The following GTF2F2 variants were observed in gnomAD, a reference collection of about 807,000 sequenced individuals.
GTF2F2 encodes the protein general transcription factor IIF subunit 2.
In GTF2F2, 23 loss-of-function variants were observed where a neutral mutation model predicts 42.2. The observed-to-expected ratio is 0.55, with a 90% CI of 0.39 to 0.77. The LOEUF (loss-of-function observed/expected upper bound fraction) is 0.77, where lower values mean the gene tolerates loss of function less well. Among genes scored for constraint, GTF2F2 ranks in the 30% least tolerant of loss-of-function variants. The pLI is 0.00. For synonymous variants in GTF2F2, 105 were observed against 100.8 expected (o/e 1.04, Z -0.25); for missense variants, 261 against 287.2 (o/e 0.91, Z 0.66).
At chr13:45,156,883 T>A (rs970740333) in intron 4 of GTF2F2, among the ~76,000 whole-genome samples, 3 of 152,246 alleles carry the variant, frequency 2.0e-5, no homozygotes, top group African/African-American at 7.2e-5. Context: ...TTAACATTTG[T>A]GCCTGGTTTT....
chr13:45,195,408 G>T (rs1566131164), intron 4 of GTF2F2, among the ~76,000 whole-genome samples: 1 of 152,112 alleles, frequency 6.6e-6, no homozygotes, highest in Non-Finnish European at 1.5e-5. Context: ...CAAAGACTTG[G>T]ACAATTATAG....
intron 5 of GTF2F2, among the ~76,000 whole-genome samples, chr13:45,218,782 C>G (rs1873989722): frequency 6.6e-6 from 1 of 152,192 alleles, no homozygotes; most frequent in African/African-American, 2.4e-5. Flanking sequence ...TGCTGTTAAT[C>G]AAGTCTTTAG....
At chr13:45,141,927 C>A (rs1245397514) in intron 2 of GTF2F2, among the ~76,000 whole-genome samples, 1 of 152,138 alleles carries the variant, frequency 6.6e-6, no homozygotes, top group African/African-American at 2.4e-5. Context: ...TTGCTAACTT[C>A]AGAACATAGC....
intron 4 of GTF2F2, among the ~76,000 whole-genome samples, chr13:45,201,553 A>G (rs1003780867): frequency 2.6e-5 from 4 of 152,296 alleles, no homozygotes; most frequent in African/African-American, 9.6e-5. Context: ...CTGTTTAGTG[A>G]CAGAATCTTA....
At chr13:45,249,014 A>T (rs1050433448) in intron 5 of GTF2F2, among the ~76,000 whole-genome samples, 3 of 152,194 alleles carry the variant, frequency 2.0e-5, no homozygotes, top group African/African-American at 7.2e-5. Context: ...TACGAACCAC[A>T]TATTTCCAAA....
chr13:45,192,109 G>A (rs964440267), intron 4 of GTF2F2, among the ~76,000 whole-genome samples: 36 of 152,048 alleles, frequency 2.4e-4, no homozygotes, highest in African/African-American at 8.4e-4. Context: ...AATTATAGTG[G>A]CTATTCAAAT....
At chr13:45,222,353 G>T (rs1203279726) in intron 5 of GTF2F2, among the ~76,000 whole-genome samples, 1 of 151,978 alleles carries the variant, frequency 6.6e-6, no homozygotes, top group Non-Finnish European at 1.5e-5. Context: ...GTTTATTTGG[G>T]AATTTAACAA....
rs1877376109 is a variant in GTF2F2, at chr13:45,284,111, G to C, written c.*550G>C. 1 of 152,204 alleles carries C rather than the reference G, an allele frequency of 6.6e-6. No homozygotes were observed. Among genetic ancestry groups the C allele is most frequent in the Non-Finnish European group, 1.5e-5 (1 of 68,036 alleles). 9.4% of individuals were successfully genotyped at this position (152,204 alleles called of 1,614,324 possible). A position where few individuals can be genotyped will look rare whatever the true frequency, so the allele number is the denominator to read the frequency against. On this transcript the variant is annotated 3_prime_UTR_variant, in exon 8 of 8. Coordinates refer to ENST00000340473, the MANE Select transcript of GTF2F2 (RefSeq NM_004128.3). ...GGAGAGAGTTTGTAGTGAAATGGCA[G>C]TGTTCATCATTGGCTTATTTTACCG...
intron 5 of GTF2F2, among the ~76,000 whole-genome samples, chr13:45,248,568 G>A (rs145762347): frequency 6.6e-6 from 1 of 151,992 alleles, no homozygotes; most frequent in Non-Finnish European, 1.5e-5. Flanking sequence ...CTGCCTCCTG[G>A]GTTCAAGCAA....
Position 45,151,823 on chromosome 13 carries a change from G to C in GTF2F2, c.296G>C (p.Ser99Thr). Reference sequence around the variant, plus strand: ...CAGACATTAACAGTATTTACTGAGAGCTCATCAGGTAAGTGGGAATGGAAT... The same window carrying C: ...CAGACATTAACAGTATTTACTGAGACCTCATCAGGTAAGTGGGAATGGAAT... Reference protein sequence around the residue: ...GGQTLTVFTESSSDKLSLEGI... With the variant: ...GGQTLTVFTETSSDKLSLEGI... The change falls in exon 4 of 8, where the codon AGC becomes ACC. Residue 99 changes from serine to threonine, a missense_variant. Transcript: ENST00000340473. 1 of 1,488,876 alleles carries C rather than the reference G, an allele frequency of 6.7e-7. No individual in the cohort carries two copies. Among genetic ancestry groups the C allele is most frequent in the East Asian group, 2.5e-5 (1 of 40,292 alleles). The allele number at this position is 1,488,876 out of a possible 1,614,324, so 92.2% of individuals were successfully genotyped here.
At position 45,182,420 on chromosome 13, in the gene GTF2F2, C is replaced by T. The variant is rs541914304; in HGVS notation, c.305-25004C>T. 2.0e-5 allele frequency among the ~76,000 whole-genome samples: 3 copies of T among 152,234 alleles called. No individual in the cohort carries two copies. The East Asian group carries it at 5.8e-4, about 29-fold the overall frequency. On this transcript the variant is annotated intron_variant, in intron 4 of 7. Coordinates refer to ENST00000340473, the MANE Select transcript of GTF2F2 (RefSeq NM_004128.3). ...CCACTTTCCCAATGTTCTTACTTCA[C>T]TCCTTCCCAGATGACTCTAAAATAG...
chr13:45,183,318 G>C (rs969007552), intron 4 of GTF2F2, among the ~76,000 whole-genome samples: 1 of 152,122 alleles, frequency 6.6e-6, no homozygotes, highest in African/African-American at 2.4e-5. Flanking sequence ...GAAGTTCCTA[G>C]GTAAGAAGTC....
chr13:45,249,173 A>G (rs74935521), intron 5 of GTF2F2, among the ~76,000 whole-genome samples: 2,781 of 152,300 alleles, frequency 0.018, 81 homozygotes, highest in African/African-American at 0.059. Context: ...TAAATGAATT[A>G]TTTAGTGTTA....
intron 4 of GTF2F2, among the ~76,000 whole-genome samples, chr13:45,162,065 T>C (rs757491341): frequency 1.3e-5 from 2 of 152,212 alleles, no homozygotes; most frequent in Admixed American, 6.5e-5. Flanking sequence ...GGAGGGACTT[T>C]TAAAAAATCT....
chr13:45,262,323 A>G (rs1876375841), intron 6 of GTF2F2, among the ~76,000 whole-genome samples: 3 of 152,212 alleles, frequency 2.0e-5, no homozygotes, highest in African/African-American at 4.8e-5. Context: ...GCGATGAGCT[A>G]TGATCACACC....
intron 5 of GTF2F2, among the ~76,000 whole-genome samples, chr13:45,244,975 T>C (rs1161957445): frequency 1.3e-5 from 2 of 152,226 alleles, no homozygotes; most frequent in Admixed American, 6.5e-5. Flanking sequence ...TCCTTATTTC[T>C]TGTCCGGAGA....
rs570073398 is a variant in GTF2F2, at chr13:45,232,236, G to A, written c.387-20635G>A. ...GAGTTAAAGAAGTTGATGATCAGAG[G>A]GTTAGAAGTTGAGATTTCTTAACCA... On this transcript the variant is annotated intron_variant, in intron 5 of 7. Coordinates refer to ENST00000340473, the MANE Select transcript of GTF2F2 (RefSeq NM_004128.3). Among the ~76,000 whole-genome samples, 3 of 152,208 alleles carry A rather than the reference G, an allele frequency of 2.0e-5. No individual in the cohort carries two copies. In the South Asian group the frequency reaches 6.2e-4, roughly 32 times the overall value.
At position 45,158,510 on chromosome 13, in the gene GTF2F2, T is replaced by C. The variant is rs191489126; in HGVS notation, c.304+6679T>C. Among the ~76,000 whole-genome samples, 330 of 152,346 alleles carry C rather than the reference T, an allele frequency of 2.2e-3. 1 individual carries two copies. Among genetic ancestry groups the C allele is most frequent in the African/African-American group, 7.7e-3 (319 of 41,582 alleles). On this transcript the variant is annotated intron_variant, in intron 4 of 7. Coordinates refer to ENST00000340473, the MANE Select transcript of GTF2F2 (RefSeq NM_004128.3). ...AACTCCACCCATCATCCCCAGCCTTTTTCCAGCCCCATCTGTGAAAATCTC... is the reference window on the plus strand; with the variant it reads ...AACTCCACCCATCATCCCCAGCCTTCTTCCAGCCCCATCTGTGAAAATCTC...
chr13:45,190,656 C>A (rs529807564), intron 4 of GTF2F2, among the ~76,000 whole-genome samples: 1 of 152,192 alleles, frequency 6.6e-6, no homozygotes, highest in South Asian at 2.1e-4. Flanking sequence ...GCATGGTATC[C>A]GGCATATAGT....
Sources: allele counts gnomAD v4.1 joint callset (sites outside exome capture counted in the v4.1 genomes callset), GRCh38; gene constraint gnomAD v4.1.1; transcripts MANE v1.5; gene names NCBI Gene and HGNC (gene_info 2026-07-23, HGNC 2026-07-21).